The following CRIP2 variants were observed in gnomAD, a reference collection of about 807,000 sequenced individuals.
CRIP2 encodes the protein cysteine-rich protein 2.
In CRIP2, 31 loss-of-function variants were observed where a neutral mutation model predicts 31.3. The observed-to-expected ratio is 0.99, with a 90% CI of 0.74 to 1.34. The LOEUF (loss-of-function observed/expected upper bound fraction) is 1.34. CRIP2 is among the 40% of genes most tolerant of loss of function. The pLI, the probability that CRIP2 is intolerant of heterozygous loss-of-function variation, is 0.00. For missense variants in CRIP2, 389 were observed against 301.6 expected (o/e 1.29, Z -2.15); for synonymous variants, 177 against 127.2 (o/e 1.39, Z -2.63).
chr14:105,478,379 C>G lies in CRIP2; in HGVS notation c.138+19C>G, dbSNP rs782005534. The G allele has an allele frequency of 8.9e-6, 14 of 1,572,608 alleles. No individual in the cohort carries two copies. The highest frequency in any genetic ancestry group is 4.6e-5 in the South Asian group (4 of 87,388). On this transcript the variant is annotated intron_variant, in intron 2 of 7. Coordinates refer to ENST00000329146, the MANE Select transcript of CRIP2 (RefSeq NM_001312.4). The surrounding 1 kb of genome is among the most constrained non-coding windows in gnomAD (Gnocchi z 4.9). ...CGCCGAGGTGAGCCCCACTGCGCGG[C>G]GCGGGCGGGGGCGGGGGTCGCGACT... is the stretch of plus-strand genomic sequence containing the variant.
intron 1 of CRIP2, chr14:105,475,243 G>A (rs1367323930): frequency 4.1e-5 from 10 of 243,450 alleles, no homozygotes; most frequent in Non-Finnish European, 6.3e-5. Context: ...GGACGGCGCC[G>A]GGCGGGGCGG....
chr14:105,479,561 C>T (rs926591312), intron 7 of CRIP2, 25 bp from the exon 8 acceptor site: 2 of 1,612,768 alleles, frequency 1.2e-6, no homozygotes, highest in African/African-American at 2.7e-5. Context: ...TTCCCCCGAC[C>T]CACCCCAGCG....
In CRIP2 at chr14:105,478,616, C is replaced by A; in HGVS notation, c.196+109C>A. The A allele has an allele frequency of 6.6e-7, 1 of 1,508,622 alleles. No individual in the cohort carries two copies. Among genetic ancestry groups the A allele is most frequent in the Non-Finnish European group, 8.9e-7 (1 of 1,125,066 alleles). The allele number at this position is 1,508,622 out of a possible 1,614,324, so 93.5% of individuals were successfully genotyped here. A position where few individuals can be genotyped will look rare whatever the true frequency, so the allele number is the denominator to read the frequency against. On this transcript the variant is annotated intron_variant, in intron 3 of 7. Coordinates refer to ENST00000329146, the MANE Select transcript of CRIP2 (RefSeq NM_001312.4). This position sits in a 1 kb window ranked among gnomAD's most constrained non-coding sequence, Gnocchi z 4.9. The stretch of plus-strand genomic sequence containing the variant: ...CCGCCGTGGATCCCCGCCCAGAGTC[C>A]CTGCCACCCTGGAAAGCCTAGTGCC...
intron 1 of CRIP2, chr14:105,477,309 G>T (rs1490470756): frequency 5.1e-6 from 5 of 985,406 alleles, no homozygotes; most frequent in Non-Finnish European, 6.0e-6. Context: ...CTCAGCAGCT[G>T]CCCTCAGATC....
rs1328903796 is a variant in CRIP2, at chr14:105,478,946, G to A, written c.338-33G>A. 9.8e-6 allele frequency: 15 copies of A among 1,535,968 alleles called. No homozygotes were observed. Among genetic ancestry groups the A allele is most frequent in the Non-Finnish European group, 1.0e-5 (12 of 1,146,296 alleles). On this transcript the variant is annotated intron_variant, in intron 4 of 7. Coordinates refer to ENST00000329146, the MANE Select transcript of CRIP2 (RefSeq NM_001312.4). The surrounding 1 kb of genome is among the most constrained non-coding windows in gnomAD (Gnocchi z 4.9). ...GGGCTGGGGGTTGTGGGCACCCCCG[G>A]CCCCGCCCCGCCCTGACTCGTGCGC...
Position 105,478,354 on chromosome 14 carries a change from C to A in CRIP2, c.132C>A (p.His44Gln). 6.4e-7 allele frequency: 1 copy of A among 1,564,554 alleles called. No homozygotes were observed. Among genetic ancestry groups the A allele is most frequent in the Non-Finnish European group, 8.6e-7 (1 of 1,158,402 alleles). ...GCAAGACGCTGACGCCCGGGGGCCA[C>A]GCCGAGGTGAGCCCCACTGCGCGGC... Reference protein sequence around the residue: ...RCSKTLTPGGHAEHDGKPFCH... With the variant: ...RCSKTLTPGGQAEHDGKPFCH... The change falls in exon 2 of 8, where the codon CAC (histidine) becomes CAA (glutamine). Residue 44 changes from histidine (H) to glutamine (Q), a missense_variant. Coordinates refer to ENST00000329146, the MANE Select transcript of CRIP2 (RefSeq NM_001312.4). This position sits in a 1 kb window ranked among gnomAD's most constrained non-coding sequence, Gnocchi z 4.9.
rs2083901335 is a variant in CRIP2, at chr14:105,474,993, G to T, written c.43+88G>T. The T allele has an allele frequency of 2.3e-6, 3 of 1,314,038 alleles. No individual in the cohort carries two copies. The Admixed American group carries it at 1.2e-4, about 52-fold the overall frequency. The allele number at this position is 1,314,038 out of a possible 1,614,324, so 81.4% of individuals were successfully genotyped here. On this transcript the variant is annotated intron_variant, in intron 1 of 7. Transcript: ENST00000329146. The surrounding 1 kb of genome is among the most constrained non-coding windows in gnomAD (Gnocchi z 5.1). ...CGCCGCAGAGCCGCGGCGTAACTCG[G>T]GGTGCGCCCGGCCCCGGCCCCGGAC...
chr14:105,473,743 G>T (rs138730014), upstream of CRIP2, among the ~76,000 whole-genome samples: 3 of 152,180 alleles, frequency 2.0e-5, no homozygotes, highest in Non-Finnish European at 4.4e-5. Context: ...GCTCTAGGGC[G>T]GAGGCACTGT....
At position 105,479,438 on chromosome 14, in the gene CRIP2, C is replaced by T. The variant is rs782519666; in HGVS notation, c.504C>T (p.His168=). 2 of 1,612,688 alleles carry T rather than the reference C, an allele frequency of 1.2e-6. No individual in the cohort carries two copies. The highest frequency in any genetic ancestry group is 2.2e-5 in the East Asian group (1 of 44,894). Residue 168 remains histidine (H), a splice_region_variant and synonymous_variant, in exon 7 of 8, where the codon CAC becomes CAT. Coordinates refer to ENST00000329146, the MANE Select transcript of CRIP2 (RefSeq NM_001312.4). ...KTLTPGGHAE[H]DGQPYCHKPC... ...TCAGCACCCACCTTCTGCCCCAGCA[C>T]GACGGCCAGCCCTACTGCCACAAGC...
rs969976086 is a variant in CRIP2 at position 105,478,942 on chromosome 14, C to T, written c.338-37C>T. 1 of 1,534,532 alleles carries T rather than the reference C, an allele frequency of 6.5e-7. No individual in the cohort carries two copies. Among genetic ancestry groups the T allele is most frequent in the East Asian group, 2.5e-5 (1 of 40,740 alleles). Reference sequence around the variant, plus strand: ...GCTGGGGCTGGGGGTTGTGGGCACCCCCGGCCCCGCCCCGCCCTGACTCGT... The same window carrying T: ...GCTGGGGCTGGGGGTTGTGGGCACCTCCGGCCCCGCCCCGCCCTGACTCGT... On this transcript the variant is annotated intron_variant, in intron 4 of 7. Transcript: ENST00000329146. This position sits in a 1 kb window ranked among gnomAD's most constrained non-coding sequence, Gnocchi z 4.9.
In CRIP2 at chr14:105,478,270, G is replaced by C; in HGVS notation, c.48G>C (p.Glu16Asp). 2 of 1,554,952 alleles carry C rather than the reference G, an allele frequency of 1.3e-6. No individual in the cohort carries two copies. The highest frequency in any genetic ancestry group is 1.7e-6 in the Non-Finnish European group (2 of 1,152,832). The change falls in exon 2 of 8, where the codon GAG becomes GAC. Residue 16 changes from glutamate (E) to aspartate (D), a missense_variant. Transcript: ENST00000329146. The surrounding 1 kb of genome is among the most constrained non-coding windows in gnomAD (Gnocchi z 4.9). Reference protein sequence around the residue: ...PKCDKTVYFAEKVSSLGKDWH... With the variant: ...PKCDKTVYFADKVSSLGKDWH... ...CCTGCCGCCCCTCCCGCTCAGCCGA[G>C]AAGGTGAGCTCCCTGGGGAAGGACT...
Position 105,479,602 on chromosome 14 carries a change from G to A in CRIP2, c.576G>A (p.Ala192=), listed in dbSNP as rs782072966. The A allele has an allele frequency of 2.6e-5, 42 of 1,612,644 alleles. No homozygotes were observed. Among genetic ancestry groups the A allele is most frequent in the Non-Finnish European group, 3.4e-5 (40 of 1,179,922 alleles). The part of the protein sequence containing the change: ...LFGPKGVNTG[A]VGSYIYDRDP... The stretch of plus-strand genomic sequence containing the variant: ...CCTCCACAGGAGTGAACACCGGTGC[G>A]GTGGGCAGCTACATCTATGACCGGG... The change falls in exon 8 of 8, where the codon GCG becomes GCA. Residue 192 remains alanine, a synonymous_variant. Coordinates refer to ENST00000329146, the MANE Select transcript of CRIP2 (RefSeq NM_001312.4).
At position 105,474,878 on chromosome 14, in the gene CRIP2, C is replaced by T; in HGVS notation, c.16C>T (p.Pro6Ser). 1 of 1,518,976 alleles carries T rather than the reference C, an allele frequency of 6.6e-7. No individual in the cohort carries two copies. Among genetic ancestry groups the T allele is most frequent in the Non-Finnish European group, 8.8e-7 (1 of 1,133,356 alleles). The allele number at this position is 1,518,976 out of a possible 1,614,324, so 94.1% of individuals were successfully genotyped here. Residue 6 changes from proline (P) to serine (S), a missense_variant, in exon 1 of 8, where the codon CCC (proline) becomes TCC (serine). Pro to Ser is a moderately conservative substitution (Grantham distance 74, BLOSUM62 -1). Transcript: ENST00000329146. The surrounding 1 kb of genome is among the most constrained non-coding windows in gnomAD (Gnocchi z 5.1). MASKC[P>S]KCDKTVYFAE... ...CGCACCGACCATGGCCTCCAAATGC[C>T]CCAAGTGCGACAAGACCGTGTACTT...
intron 1 of CRIP2, chr14:105,475,318 C>T (rs781839323): frequency 1.7e-4 from 29 of 173,934 alleles, no homozygotes; most frequent in Non-Finnish European, 3.2e-4. Flanking sequence ...GCCCTTTCTC[C>T]TGGACCCCCT....
intron 1 of CRIP2, chr14:105,475,820 CACCT>C: frequency 1.0e-6 from 1 of 985,398 alleles, no homozygotes; most frequent in Non-Finnish European, 1.2e-6. Context: ...GGTCCCTGCC[CACCT>C]ACCCACCAGC....
intron 1 of CRIP2, chr14:105,476,018 A>T (rs1555435750): frequency 1.0e-6 from 1 of 985,292 alleles, no homozygotes; most frequent in East Asian, 1.1e-4. Flanking sequence ...CCCAGAGGGG[A>T]GGGACCGGAT....
At chr14:105,477,193 C>T (rs1364152049) in intron 1 of CRIP2, 9 of 860,818 alleles carry the variant, frequency 1.0e-5, no homozygotes, top group Admixed American at 6.2e-5. Context: ...CCCCTCCCCA[C>T]CTCTTCCTGC....
In CRIP2 at chr14:105,480,130, C is replaced by T. The variant is rs1333546800; in HGVS notation, c.*477C>T. On this transcript the variant is annotated 3_prime_UTR_variant, in exon 8 of 8. Coordinates refer to ENST00000329146, the MANE Select transcript of CRIP2 (RefSeq NM_001312.4). Reference sequence around the variant, plus strand: ...TCACGTGGCTCACCTGCTGTTGAGCCTTGTGCTGTCAATAAACGGTTTGAG... The same window carrying T: ...TCACGTGGCTCACCTGCTGTTGAGCTTTGTGCTGTCAATAAACGGTTTGAG... 2 of 190,970 alleles carry T rather than the reference C, an allele frequency of 1.0e-5. No individual in the cohort carries two copies. Among genetic ancestry groups the T allele is most frequent in the Non-Finnish European group, 2.2e-5 (2 of 90,926 alleles). 11.8% of individuals were successfully genotyped at this position (190,970 alleles called of 1,614,324 possible).
rs1329476749 is a variant in CRIP2, at chr14:105,478,138, AAGGCGCCTGGG to A, written c.44-125_44-115del. On this transcript the variant is annotated intron_variant, in intron 1 of 7. Coordinates refer to ENST00000329146, the MANE Select transcript of CRIP2 (RefSeq NM_001312.4). The surrounding 1 kb of genome is among the most constrained non-coding windows in gnomAD (Gnocchi z 4.9). The stretch of plus-strand genomic sequence containing the variant: ...GGGGCAGGGCCCGCCAGGTGGAAGG[AAGGCGCCTGGG>A]AGACCTCCTGAAAGTGGGGACCCCC... 4.3e-6 allele frequency: 3 copies of A among 692,466 alleles called. No individual in the cohort carries two copies. Among genetic ancestry groups the A allele is most frequent in the Non-Finnish European group, 6.8e-6 (3 of 439,394 alleles). 42.9% of individuals were successfully genotyped at this position (692,466 alleles called of 1,614,324 possible).
Sources: allele counts gnomAD v4.1 joint callset (sites outside exome capture counted in the v4.1 genomes callset), GRCh38; gene constraint gnomAD v4.1.1; non-coding constraint Gnocchi (gnomAD v3.1); transcripts MANE v1.5; gene names NCBI Gene and HGNC (gene_info 2026-07-23, HGNC 2026-07-21).